The following LRBA variants were observed in gnomAD, a reference collection of about 807,000 sequenced individuals.
LRBA encodes the protein lipopolysaccharide-responsive and beige-like anchor protein.
LRBA carries 176 observed loss-of-function variants against 330.0 expected under a neutral mutation model. The observed-to-expected ratio is 0.53, with a 90% CI of 0.47 to 0.60. The LOEUF (loss-of-function observed/expected upper bound fraction) is 0.60. Ranked by LOEUF, LRBA falls within the 20% of genes least tolerant of loss-of-function variation. The probability of loss-of-function intolerance (pLI) is 0.00; values close to 1 mark genes in which losing one functional copy is unlikely to be tolerated. For synonymous variants in LRBA, 1,230 were observed against 1,193.0 expected (o/e 1.03, Z -0.64); for missense variants, 3,259 against 3,444.8 (o/e 0.95, Z 1.35).
At chr4:150,588,431 A>T (rs1469714534) in intron 39 of LRBA, among the ~76,000 whole-genome samples, 1 of 152,186 alleles carries the variant, frequency 6.6e-6, no homozygotes, top group African/African-American at 2.4e-5. Flanking sequence ...CAATTATTTT[A>T]CAGGGAGTCT....
intron 2 of LRBA, among the ~76,000 whole-genome samples, chr4:150,954,094 C>A (rs1737234683): frequency 6.6e-6 from 1 of 151,534 alleles, no homozygotes; most frequent in Admixed American, 6.6e-5. Flanking sequence ...AGCAGCCGCC[C>A]CGTCTGGGAA....
chr4:150,753,216 C>T (rs1246926626), intron 35 of LRBA, among the ~76,000 whole-genome samples: 4 of 152,180 alleles, frequency 2.6e-5, no homozygotes, highest in African/African-American at 9.7e-5. Flanking sequence ...ATCTCCTGAA[C>T]ATACTATCAA....
At chr4:150,659,198 C>T (rs1385398833) in intron 37 of LRBA, among the ~76,000 whole-genome samples, 1 of 104,124 alleles carries the variant, frequency 9.6e-6, no homozygotes, top group Non-Finnish European at 2.1e-5. Flanking sequence ...ATGTGAGGAG[C>T]CCCTCTGCCT....
chr4:150,571,220 G>A (rs1769800153), intron 40 of LRBA, among the ~76,000 whole-genome samples: 1 of 151,674 alleles, frequency 6.6e-6, no homozygotes. Flanking sequence ...AACGTGTTCA[G>A]GAGAGATTAC....
chr4:150,266,357 T>C (rs1745336043), intron 56 of LRBA, among the ~76,000 whole-genome samples: 1 of 152,248 alleles, frequency 6.6e-6, no homozygotes, highest in Non-Finnish European at 1.5e-5. Context: ...ATGTCCATCA[T>C]GCTCTGGGTG....
chr4:150,277,714 C>A, intron 56 of LRBA, 139 bp downstream of exon 56: 1 of 874,308 alleles, frequency 1.1e-6, no homozygotes. Flanking sequence ...GTTGCCCAGG[C>A]TGGCTTCGAA....
At chr4:150,634,377 GC>G (rs1777680754) in intron 37 of LRBA, among the ~76,000 whole-genome samples, 1 of 152,090 alleles carries the variant, frequency 6.6e-6, no homozygotes. Flanking sequence ...TATTATGGGA[GC>G]TCTGAGGCAT....
chr4:150,791,629 A>G (rs572608275), intron 34 of LRBA, among the ~76,000 whole-genome samples: 1 of 152,336 alleles, frequency 6.6e-6, no homozygotes, highest in East Asian at 1.9e-4. Context: ...CTGATTGACC[A>G]TAAAACTGAA....
chr4:150,966,209 T>C (rs1365143345), intron 2 of LRBA, among the ~76,000 whole-genome samples: 1 of 152,112 alleles, frequency 6.6e-6, no homozygotes, highest in Non-Finnish European at 1.5e-5. Flanking sequence ...ATCAGCAACT[T>C]ATGAGGCAAA....
At chr4:150,603,487 TG>T (rs1463354830) in intron 37 of LRBA, among the ~76,000 whole-genome samples, 1 of 152,066 alleles carries the variant, frequency 6.6e-6, no homozygotes, top group African/African-American at 2.4e-5. Context: ...GGCTTTTTTG[TG>T]GTTGTTGTTG....
intron 56 of LRBA, among the ~76,000 whole-genome samples, chr4:150,269,788 A>AAAAT (rs1472924147): frequency 6.6e-6 from 1 of 152,104 alleles, no homozygotes; most frequent in Non-Finnish European, 1.5e-5. Flanking sequence ...GTCTCTACAG[A>AAAAT]AAATAAAAAA....
chr4:150,909,028 A>C lies in LRBA; in HGVS notation c.1162-171T>G, dbSNP rs566273506. Among the ~76,000 whole-genome samples, 11 of 152,354 alleles carry C rather than the reference A, an allele frequency of 7.2e-5. No individual in the cohort carries two copies. The South Asian group carries it at 2.1e-3, about 29-fold the overall frequency. On this transcript the variant is annotated intron_variant, in intron 9 of 56. Transcript: ENST00000651943. ...TTGGCTGAATTTAAAGATATAATGGAAATCAAGTCAACTTGACATTAAAAC... is the reference window on the plus strand; with the variant it reads ...TTGGCTGAATTTAAAGATATAATGGCAATCAAGTCAACTTGACATTAAAAC...
At chr4:150,695,773 G>T (rs1784565703) in intron 36 of LRBA, among the ~76,000 whole-genome samples, 1 of 152,080 alleles carries the variant, frequency 6.6e-6, no homozygotes. Context: ...CTGCTAATCT[G>T]CAAAAGAGTT....
intron 47 of LRBA, among the ~76,000 whole-genome samples, chr4:150,394,493 G>A (rs1744440045): frequency 6.6e-6 from 1 of 152,152 alleles, no homozygotes; most frequent in Non-Finnish European, 1.5e-5. Flanking sequence ...ACAAGTAACG[G>A]AGGAGGGGGC....
chr4:150,803,068 A>AC (rs1741931349), intron 33 of LRBA, among the ~76,000 whole-genome samples: 2 of 37,930 alleles, frequency 5.3e-5, no homozygotes, highest in South Asian at 4.6e-4. Context: ...AAAACAAACA[A>AC]AAAAAAAATA....
chr4:150,893,310 T>C (rs995031440), intron 16 of LRBA, among the ~76,000 whole-genome samples, 161 bp from the exon 17 acceptor site: 8 of 152,340 alleles, frequency 5.3e-5, no homozygotes, highest in African/African-American at 1.9e-4. Flanking sequence ...ATGTAAACAT[T>C]CACCTCTGTA....
intron 40 of LRBA, among the ~76,000 whole-genome samples, chr4:150,512,512 GA>G (rs1233520996): frequency 6.6e-6 from 1 of 152,058 alleles, no homozygotes; most frequent in African/African-American, 2.4e-5. Flanking sequence ...AGAGACTCCA[GA>G]AAGCTCTCTA....
intron 36 of LRBA, among the ~76,000 whole-genome samples, chr4:150,704,392 CTGTTA>C (rs1785411622): frequency 6.6e-6 from 1 of 151,404 alleles, no homozygotes; most frequent in South Asian, 2.1e-4. Flanking sequence ...TTATTATTTA[CTGTTA>C]TATTTTTCTT....
In LRBA at chr4:150,852,389, ATCTTCC is replaced by A. The variant is rs755651634; in HGVS notation, c.3315_3320del (p.Glu1105_Glu1106del). On this transcript the variant is annotated inframe_deletion, in exon 23 of 57. Transcript: ENST00000651943. ...CTACTTTCAGTTCCACATAATCATC[ATCTTCC>A]TCTTCCTCTACTATAGATTTATCCA... The A allele has an allele frequency of 1.9e-6, 3 of 1,613,488 alleles. No individual in the cohort carries two copies. The highest frequency in any genetic ancestry group is 1.3e-5 in the African/African-American group (1 of 74,896).
Sources: gnomAD v4.1 joint callset for allele counts (sites outside exome capture counted in the v4.1 genomes callset) on GRCh38, gnomAD v4.1.1 for gene constraint, MANE v1.5 for transcripts, NCBI Gene and HGNC (gene_info 2026-07-23, HGNC 2026-07-21) for gene names.